The following ABI3BP variants were observed in gnomAD, a reference collection of about 807,000 sequenced individuals.
ABI3BP encodes the protein target of Nesh-SH3.
A neutral mutation model predicts 268.6 loss-of-function variants in ABI3BP; 216 were observed. The ratio of observed to expected loss-of-function variants is 0.80; its 90% confidence interval spans 0.72 to 0.90. The LOEUF (loss-of-function observed/expected upper bound fraction) is 0.90. ABI3BP is among the 40% of genes least tolerant of loss of function. The pLI is 0.00. For missense variants in ABI3BP, 2,090 were observed against 2,182.4 expected (o/e 0.96, Z 0.84); for synonymous variants, 730 against 730.0 (o/e 1.00, Z 0.00).
intron 20 of ABI3BP, among the ~76,000 whole-genome samples, chr3:100,842,805 T>A (rs2098721124): frequency 6.6e-6 from 1 of 152,236 alleles, no homozygotes; most frequent in Admixed American, 6.5e-5. Context: ...CTCATTATTC[T>A]ATCAACAAAA....
intron 1 of ABI3BP, among the ~76,000 whole-genome samples, chr3:100,973,678 G>A (rs565327490): frequency 6.6e-6 from 1 of 152,112 alleles, no homozygotes; most frequent in Non-Finnish European, 1.5e-5. Flanking sequence ...CTTCCCCAGA[G>A]CACTGTCTTT....
intron 27 of ABI3BP, 27 bp downstream of exon 27, chr3:100,837,097 G>A: frequency 1.3e-6 from 2 of 1,522,470 alleles, no homozygotes; most frequent in Non-Finnish European, 1.8e-6. Flanking sequence ...GAGAAACATT[G>A]GCCAAGAAGG....
intron 1 of ABI3BP, among the ~76,000 whole-genome samples, chr3:100,976,377 C>G (rs1475005107): frequency 3.9e-5 from 6 of 152,014 alleles, no homozygotes; most frequent in Non-Finnish European, 8.8e-5. Context: ...GAGAAGGCGC[C>G]CTGTTCAAAG....
At chr3:100,912,218 C>A in intron 2 of ABI3BP, 1 of 141,334 alleles carries the variant, frequency 7.1e-6, no homozygotes, top group Non-Finnish European at 1.4e-5. Context: ...AACTTCACAA[C>A]TTCATTAATC....
At chr3:100,852,135 C>G (rs1454607735) in intron 14 of ABI3BP, among the ~76,000 whole-genome samples, 195 bp from the exon 15 acceptor site, 1 of 152,074 alleles carries the variant, frequency 6.6e-6, no homozygotes, top group South Asian at 2.1e-4. Context: ...TCCTTTTTTG[C>G]TCTGAACCGC....
At chr3:100,912,765 TG>T (rs1430671585) in intron 2 of ABI3BP, among the ~76,000 whole-genome samples, 1 of 152,166 alleles carries the variant, frequency 6.6e-6, no homozygotes, top group Non-Finnish European at 1.5e-5. Context: ...AAAACACCCT[TG>T]AGAAATATTG....
Position 100,820,319 on chromosome 3 carries a change from C to A in ABI3BP, c.2948-16G>T. 6.5e-7 allele frequency: 1 copy of A among 1,533,910 alleles called. No homozygotes were observed. Among genetic ancestry groups the A allele is most frequent in the Non-Finnish European group, 8.7e-7 (1 of 1,145,216 alleles). ...GTTTTAGGAGCTGAAGAAAGAAAAC[C>A]TTTAGTTACTACAGAGTCCGTAGCT... On this transcript the variant is annotated splice_polypyrimidine_tract_variant and intron_variant, in intron 39 of 67. Transcript: ENST00000471714.
At chr3:100,855,387 G>C (rs1460597269) in intron 14 of ABI3BP, among the ~76,000 whole-genome samples, 2 of 152,204 alleles carry the variant, frequency 1.3e-5, no homozygotes, top group Non-Finnish European at 2.9e-5. Flanking sequence ...CAAATCCTTT[G>C]AATATTAGTA....
Position 100,752,829 on chromosome 3 carries a change from T to C in ABI3BP, c.5080A>G (p.Asn1694Asp), listed in dbSNP as rs1378697834. 1 of 1,613,390 alleles carries C rather than the reference T, an allele frequency of 6.2e-7. No individual in the cohort carries two copies. Among genetic ancestry groups the C allele is most frequent in the Admixed American group, 1.7e-5 (1 of 59,966 alleles). Residue 1694 changes from asparagine to aspartate, a missense_variant, in exon 66 of 68, where the codon AAC (asparagine) becomes GAC (aspartate). Asn to Asp is a conservative substitution (Grantham distance 23). Transcript: ENST00000471714. ...AAGTAAATCTTGTATCTGAGAGAGT[T>C]GCACAGCTGCACTCCTACAAATTTT... ...YKKFVGVQLCNSLRYKIYLSD... is the reference protein window; with the variant it reads ...YKKFVGVQLCDSLRYKIYLSD...
chr3:100,891,522 C>G (rs1405242480), intron 4 of ABI3BP, among the ~76,000 whole-genome samples: 2 of 152,090 alleles, frequency 1.3e-5, no homozygotes, highest in African/African-American at 4.8e-5. Context: ...ATAAGAAAAC[C>G]AAGACTAAAA....
chr3:100,839,482 G>A (rs1438647348), intron 24 of ABI3BP, 87 bp downstream of exon 24: 2 of 1,333,826 alleles, frequency 1.5e-6, no homozygotes, highest in African/African-American at 2.9e-5. Flanking sequence ...ATGAGGTGGT[G>A]GAACTGCAGT....
chr3:100,963,097 T>G (rs1315688427), intron 1 of ABI3BP, among the ~76,000 whole-genome samples: 1 of 152,184 alleles, frequency 6.6e-6, no homozygotes, highest in East Asian at 1.9e-4. Flanking sequence ...TCAAGTACTG[T>G]ACATATATGT....
At chr3:100,775,386 T>C in intron 59 of ABI3BP, 51 bp from the exon 60 acceptor site, 1 of 1,557,300 alleles carries the variant, frequency 6.4e-7, no homozygotes, top group South Asian at 1.2e-5. Flanking sequence ...CTGCCAAGTT[T>C]CCTATAAACA....
At chr3:100,761,478 C>T (rs1230941971) in intron 63 of ABI3BP, among the ~76,000 whole-genome samples, 1 of 152,160 alleles carries the variant, frequency 6.6e-6, no homozygotes, top group Non-Finnish European at 1.5e-5. Flanking sequence ...ATGTGGCTCT[C>T]TATTGACAAG....
intron 27 of ABI3BP, among the ~76,000 whole-genome samples, chr3:100,836,659 G>T (rs1289604044): frequency 6.6e-6 from 1 of 152,178 alleles, no homozygotes; most frequent in African/African-American, 2.4e-5. Context: ...GCAACAGAAA[G>T]ATCAATTTGC....
At chr3:100,830,102 CATACATACATATATATATATATATATAT>C (rs1320826216) in intron 32 of ABI3BP, among the ~76,000 whole-genome samples, 4 of 56,226 alleles carry the variant, frequency 7.1e-5, no homozygotes, top group Admixed American at 2.0e-4. Context: ...TACATACATA[CATACATACATATATATATATATATATAT>C]ATATATATAT....
intron 27 of ABI3BP, 56 bp downstream of exon 27, chr3:100,837,068 G>A: frequency 7.0e-7 from 1 of 1,429,738 alleles, no homozygotes; most frequent in Non-Finnish European, 9.4e-7. Flanking sequence ...TGAAAAAAGA[G>A]ATGAGAGGCG....
At chr3:100,909,750 A>G (rs1040545098) in intron 2 of ABI3BP, among the ~76,000 whole-genome samples, 3 of 152,238 alleles carry the variant, frequency 2.0e-5, no homozygotes, top group Non-Finnish European at 4.4e-5. Context: ...AACGCCAATC[A>G]TTAAAAAGTC....
At chr3:100,854,941 T>C (rs2098923024) in intron 14 of ABI3BP, among the ~76,000 whole-genome samples, 1 of 148,548 alleles carries the variant, frequency 6.7e-6, no homozygotes. Context: ...TTTTTTTTTT[T>C]CTCCAGATGG....
Sources: allele counts gnomAD v4.1 joint callset (sites outside exome capture counted in the v4.1 genomes callset), GRCh38; gene constraint gnomAD v4.1.1; transcripts MANE v1.5; gene names NCBI Gene and HGNC (gene_info 2026-07-23, HGNC 2026-07-21).